The following DDX4 variants were observed in gnomAD, a reference collection of about 807,000 sequenced individuals.
DDX4 encodes the protein probable ATP-dependent RNA helicase DDX4.
Under a neutral mutation model 100.0 loss-of-function variants are expected in DDX4, and 25 were observed. The observed-to-expected ratio is 0.25, with a 90% CI of 0.18 to 0.35. The LOEUF (loss-of-function observed/expected upper bound fraction) is 0.35. Among genes scored for constraint, DDX4 ranks in the 10% least tolerant of loss-of-function variants. DDX4 has a pLI of 1.00. For missense variants in DDX4, 635 were observed against 882.4 expected, an observed-to-expected ratio of 0.72 and a Z score of 3.55; for synonymous variants, 259 against 275.7, an observed-to-expected ratio of 0.94 and a Z score of 0.60.
intron 10 of DDX4, among the ~76,000 whole-genome samples, chr5:55,782,696 C>T (rs1193303552): frequency 6.6e-6 from 1 of 151,920 alleles, no homozygotes; most frequent in Admixed American, 6.6e-5. Context: ...ATGTACAAAT[C>T]CTTATTAAAA....
chr5:55,788,526 T>A (rs942483821), intron 15 of DDX4, among the ~76,000 whole-genome samples: 13 of 152,160 alleles, frequency 8.5e-5, no homozygotes, highest in Non-Finnish European at 1.5e-5. Context: ...GTGAACATAC[T>A]GGTATTATTT....
At chr5:55,792,384 G>A (rs906457268) in intron 16 of DDX4, among the ~76,000 whole-genome samples, 22 of 147,908 alleles carry the variant, frequency 1.5e-4, no homozygotes, top group African/African-American at 3.7e-4. Flanking sequence ...TTTTTGAGAC[G>A]GAGTCTCGCT....
At chr5:55,773,699 A>G (rs1741389618) in intron 7 of DDX4, among the ~76,000 whole-genome samples, 1 of 151,986 alleles carries the variant, frequency 6.6e-6, no homozygotes, top group South Asian at 2.1e-4. Flanking sequence ...ATTTCGGCTC[A>G]CTGCAGCCTC....
At chr5:55,759,275 A>G (rs1041753052) in intron 3 of DDX4, among the ~76,000 whole-genome samples, 18 of 151,992 alleles carry the variant, frequency 1.2e-4, no homozygotes, top group Middle Eastern at 3.2e-3. Context: ...ATTTTCTAGT[A>G]TAAATATTTA....
At chr5:55,788,423 C>T (rs938513244) in intron 15 of DDX4, among the ~76,000 whole-genome samples, 2 of 152,130 alleles carry the variant, frequency 1.3e-5, no homozygotes, top group African/African-American at 4.8e-5. Context: ...CTGCAGTGAA[C>T]TGTGATTGCA....
At chr5:55,780,412 G>A (rs191198284) in intron 8 of DDX4, among the ~76,000 whole-genome samples, 16 of 152,212 alleles carry the variant, frequency 1.1e-4, no homozygotes, top group African/African-American at 3.9e-4. Context: ...TCACCAGTGT[G>A]GCTTTCTACC....
intron 16 of DDX4, 107 bp from the exon 17 acceptor site, chr5:55,792,534 T>TG: frequency 1.7e-6 from 1 of 574,246 alleles, no homozygotes; most frequent in Admixed American, 4.6e-5. Flanking sequence ...TAATTTTTTG[T>TG]ATTTTTTTTT....
At chr5:55,775,129 C>T (rs539176258) in intron 7 of DDX4, among the ~76,000 whole-genome samples, 22 of 152,222 alleles carry the variant, frequency 1.4e-4, no homozygotes, top group East Asian at 7.7e-4. Context: ...TTTGTCCTGT[C>T]GTATTTGGCT....
chr5:55,775,365 T>TA (rs1477794881), intron 7 of DDX4, among the ~76,000 whole-genome samples: 1 of 152,250 alleles, frequency 6.6e-6, no homozygotes, highest in Non-Finnish European at 1.5e-5. Context: ...GTTATATACT[T>TA]ACAAGTTGAG....
At chr5:55,759,347 GTTTT>G (rs577306270) in intron 3 of DDX4, among the ~76,000 whole-genome samples, 4 of 147,178 alleles carry the variant, frequency 2.7e-5, no homozygotes, top group African/African-American at 9.9e-5. Context: ...TCCATTGTGA[GTTTT>G]TTTTTTGAGC....
chr5:55,767,972 T>A, intron 7 of DDX4, 32 bp downstream of exon 7: 1 of 1,590,234 alleles, frequency 6.3e-7, no homozygotes, highest in African/African-American at 1.3e-5. Flanking sequence ...AATTTGTACT[T>A]AACACAGAGA....
intron 6 of DDX4, among the ~76,000 whole-genome samples, chr5:55,764,652 T>G (rs1740777169): frequency 6.6e-6 from 1 of 152,290 alleles, no homozygotes; most frequent in East Asian, 1.9e-4. Flanking sequence ...CTCCTGTGTT[T>G]GGTAATCATT....
rs78409364 is a variant in DDX4, at chr5:55,791,689, A to C, written c.1303-952A>C. On this transcript the variant is annotated intron_variant, in intron 16 of 21. Coordinates refer to ENST00000505374, the MANE Select transcript of DDX4 (RefSeq NM_024415.3). ...ACTATAATCTAGATCTGTATTGTCCAATACAGTAACCACTAGCCACATGTA... is the reference window on the plus strand; with the variant it reads ...ACTATAATCTAGATCTGTATTGTCCCATACAGTAACCACTAGCCACATGTA... 9.5e-4 allele frequency among the ~76,000 whole-genome samples: 144 copies of C among 152,330 alleles called. No homozygotes were observed. In the East Asian group the frequency reaches 0.019, roughly 20 times the overall value.
chr5:55,791,276 A>C (rs1273627769), intron 16 of DDX4, among the ~76,000 whole-genome samples: 1 of 152,208 alleles, frequency 6.6e-6, no homozygotes, highest in African/African-American at 2.4e-5. Flanking sequence ...TTAATGAACC[A>C]GATTTGCTTT....
intron 7 of DDX4, among the ~76,000 whole-genome samples, chr5:55,771,673 C>A (rs1697706059): frequency 6.6e-6 from 1 of 152,178 alleles, no homozygotes; most frequent in African/African-American, 2.4e-5. Context: ...AACTAAGATA[C>A]ACTCACATTC....
intron 17 of DDX4, among the ~76,000 whole-genome samples, chr5:55,793,023 AG>A (rs1169310364): frequency 2.8e-5 from 4 of 144,664 alleles, no homozygotes; most frequent in Non-Finnish European, 6.1e-5. Context: ...TTATTTAAAA[AG>A]TGTGTGTGTG....
intron 2 of DDX4, among the ~76,000 whole-genome samples, chr5:55,739,446 T>C (rs1361711339): frequency 2.0e-5 from 3 of 152,230 alleles, no homozygotes; most frequent in Non-Finnish European, 4.4e-5. Flanking sequence ...ACTAGGCTGA[T>C]TGAGTTGGTA....
chr5:55,807,328 G>A (rs1743797202), intron 18 of DDX4, among the ~76,000 whole-genome samples: 1 of 152,066 alleles, frequency 6.6e-6, no homozygotes, highest in Non-Finnish European at 1.5e-5. Flanking sequence ...TTACATTTAA[G>A]GTTAATATTG....
At chr5:55,744,582 A>G (rs760643790) in intron 2 of DDX4, among the ~76,000 whole-genome samples, 2 of 152,238 alleles carry the variant, frequency 1.3e-5, no homozygotes, top group African/African-American at 4.8e-5. Context: ...TGATTTTATA[A>G]TAAGTTGAAT....
Sources: gnomAD v4.1 joint callset for allele counts (sites outside exome capture counted in the v4.1 genomes callset) on GRCh38, gnomAD v4.1.1 for gene constraint, MANE v1.5 for transcripts, NCBI Gene and HGNC (gene_info 2026-07-23, HGNC 2026-07-21) for gene names.